NRG1: variants seen among roughly 807,000 people sequenced by gnomAD.
NRG1 encodes the protein neuregulin 1.
In NRG1, 18 loss-of-function variants were observed where a neutral mutation model predicts 63.8. The ratio of observed to expected loss-of-function variants is 0.28; its 90% CI spans 0.19 to 0.42. NRG1 has a LOEUF of 0.42. NRG1 is among the 10% of genes least tolerant of loss of function. The pLI, the probability that NRG1 is intolerant of heterozygous loss-of-function variation, is 1.00. For missense variants in NRG1, 762 were observed against 814.7 expected, an observed-to-expected ratio of 0.94 and a Z score of 0.79; for synonymous variants, 302 against 301.3, an observed-to-expected ratio of 1.00 and a Z score of -0.02.
chr8:31,937,054 C>T (rs982270697), intron 1 of NRG1, among the ~76,000 whole-genome samples: 8 of 152,130 alleles, frequency 5.3e-5, no homozygotes, highest in Non-Finnish European at 1.2e-4. Flanking sequence ...TTTTCATTGC[C>T]AACATCTCAT....
chr8:32,267,584 T>C (rs1454612122), intron 1 of NRG1, among the ~76,000 whole-genome samples: 1 of 152,246 alleles, frequency 6.6e-6, no homozygotes, highest in Non-Finnish European at 1.5e-5. Flanking sequence ...GAAGGTATAC[T>C]GCAGATTTTA....
chr8:31,846,123 A>C lies in NRG1; in HGVS notation c.37+206692A>C, dbSNP rs16878346. 9.0e-3 allele frequency among the ~76,000 whole-genome samples: 1,377 copies of C among 152,368 alleles called. 21 individuals are homozygous for C. Among genetic ancestry groups the C allele is most frequent in the African/African-American group, 0.031 (1,302 of 41,586 alleles). On this transcript the variant is annotated intron_variant, in intron 1 of 10. Transcript: ENST00000519301. ...ACCCAAGGTTTTAAAATAACTGCTG[A>C]TAAGACCTTCTCACAGATTTTCATT...
intron 1 of NRG1, among the ~76,000 whole-genome samples, chr8:32,514,766 T>C (rs1563570431): frequency 6.6e-6 from 1 of 152,128 alleles, no homozygotes; most frequent in African/African-American, 2.4e-5. Context: ...TGTTACCCTA[T>C]AGATTACTAA....
chr8:32,496,044 T>C (rs1366403132), intron 1 of NRG1, among the ~76,000 whole-genome samples: 1 of 152,166 alleles, frequency 6.6e-6, no homozygotes, highest in African/African-American at 2.4e-5. Flanking sequence ...TCCAGGACTT[T>C]TACAAAGACA....
At position 32,526,190 on chromosome 8, in the gene NRG1, G is replaced by A. The variant is rs1480004132; in HGVS notation, c.38-69638G>A. ...GTGCTGGCCAAGACTGGGATCTCAT[G>A]GGAAGGCTCAAAAGGAAAAGCATCT... On this transcript the variant is annotated intron_variant, in intron 1 of 10. Transcript: ENST00000519301. Among the ~76,000 whole-genome samples the A allele has an allele frequency of 3.9e-5, 6 of 152,292 alleles. No homozygotes were observed. In the East Asian group the frequency reaches 1.2e-3, roughly 29 times the overall value.
intron 1 of NRG1, among the ~76,000 whole-genome samples, chr8:32,035,248 G>T (rs770514000): frequency 6.6e-6 from 1 of 152,156 alleles, no homozygotes; most frequent in African/African-American, 2.4e-5. Context: ...CGATGTAGTT[G>T]TGTGGTTTTG....
chr8:32,576,738 C>A (rs1839706426), intron 1 of NRG1, among the ~76,000 whole-genome samples: 1 of 151,748 alleles, frequency 6.6e-6, no homozygotes, highest in Admixed American at 6.6e-5. Context: ...AAGGCAGATT[C>A]TTTTTTCCCT....
chr8:32,335,265 G>A (rs1359708210), intron 1 of NRG1, among the ~76,000 whole-genome samples: 2 of 152,076 alleles, frequency 1.3e-5, no homozygotes, highest in Non-Finnish European at 2.9e-5. Context: ...CTTTCTACAT[G>A]GTGCATGCGA....
intron 1 of NRG1, among the ~76,000 whole-genome samples, chr8:32,181,604 C>A (rs538619573): frequency 6.6e-6 from 1 of 152,314 alleles, no homozygotes; most frequent in East Asian, 1.9e-4. Flanking sequence ...GTGTCCAAGT[C>A]CTGACCTTTA....
chr8:32,638,383 A>T (rs1851725856), intron 5 of NRG1, among the ~76,000 whole-genome samples: 1 of 152,240 alleles, frequency 6.6e-6, no homozygotes, highest in African/African-American at 2.4e-5. Flanking sequence ...CAATAAAAAA[A>T]ATTTAAATCT....
At chr8:32,506,890 A>G (rs1828601200) in intron 1 of NRG1, among the ~76,000 whole-genome samples, 1 of 152,146 alleles carries the variant, frequency 6.6e-6, no homozygotes, top group South Asian at 2.1e-4. Flanking sequence ...TAAAAAAAAT[A>G]AGATAAAAAA....
At chr8:32,623,332 T>C (rs1043229646) in intron 5 of NRG1, among the ~76,000 whole-genome samples, 2 of 152,334 alleles carry the variant, frequency 1.3e-5, no homozygotes, top group Middle Eastern at 3.4e-3. Context: ...TTCTGGGAGC[T>C]TAGCTAAATG....
chr8:31,932,612 A>G (rs754780210), intron 1 of NRG1, among the ~76,000 whole-genome samples: 1 of 152,234 alleles, frequency 6.6e-6, no homozygotes, highest in African/African-American at 2.4e-5. Flanking sequence ...CTGCTCATCA[A>G]AAATGAGTAT....
At chr8:32,161,752 T>A (rs1838856571) in intron 1 of NRG1, among the ~76,000 whole-genome samples, 3 of 152,162 alleles carry the variant, frequency 2.0e-5, no homozygotes. Flanking sequence ...CCTATACTGT[T>A]CCAGAGGAAG....
chr8:32,546,933 T>C (rs902744632), upstream of NRG1, among the ~76,000 whole-genome samples: 1 of 152,090 alleles, frequency 6.6e-6, no homozygotes, highest in Non-Finnish European at 1.5e-5. Flanking sequence ...CATCAGAAAA[T>C]ACCGTGAGAA....
intron 2 of NRG1, among the ~76,000 whole-genome samples, chr8:32,601,868 A>T (rs1844418426): frequency 6.6e-6 from 1 of 150,924 alleles, no homozygotes. Context: ...GCTAAAGAGT[A>T]CATAAGGTTT....
At chr8:32,300,563 A>C (rs956903308) in intron 1 of NRG1, among the ~76,000 whole-genome samples, 12 of 152,264 alleles carry the variant, frequency 7.9e-5, no homozygotes, top group Admixed American at 6.5e-4. Context: ...TATGAGTTAC[A>C]AACATTAAAC....
chr8:31,895,187 T>C (rs1023546516), intron 1 of NRG1, among the ~76,000 whole-genome samples: 38 of 152,220 alleles, frequency 2.5e-4, no homozygotes, highest in African/African-American at 8.9e-4. Flanking sequence ...TGATAGATTT[T>C]GATATGTTTT....
At chr8:32,403,036 C>G (rs1028083614) in intron 1 of NRG1, among the ~76,000 whole-genome samples, 2 of 151,552 alleles carry the variant, frequency 1.3e-5, no homozygotes, top group African/African-American at 4.9e-5. Context: ...CAGTGGCTCA[C>G]ACCTGTAATC....
Sources: gnomAD v4.1 joint callset for allele counts (sites outside exome capture counted in the v4.1 genomes callset) on GRCh38, gnomAD v4.1.1 for gene constraint, MANE v1.5 for transcripts, NCBI Gene and HGNC (gene_info 2026-07-23, HGNC 2026-07-21) for gene names.